The following TRPM2 variants were observed in gnomAD, a reference collection of about 807,000 sequenced individuals.
The protein encoded by TRPM2 is transient receptor potential cation channel subfamily M member 2, also known as estrogen-responsive element-associated gene 1 protein.
In TRPM2, 161 loss-of-function variants were observed where a neutral mutation model predicts 174.0. The observed-to-expected ratio is 0.93, with a 90% CI of 0.81 to 1.05. The LOEUF is 1.05. Ranked by LOEUF, TRPM2 falls within the 50% of genes least tolerant of loss-of-function variation. TRPM2 has a pLI of 0.00. For synonymous variants in TRPM2, 954 were observed against 861.3 expected, an observed-to-expected ratio of 1.11 and a Z score of -1.88; for missense variants, 2,057 against 2,038.0, an observed-to-expected ratio of 1.01 and a Z score of -0.18.
chr21:44,357,290 G>T (rs1285227661), intron 2 of TRPM2, among the ~76,000 whole-genome samples: 3 of 152,238 alleles, frequency 2.0e-5, no homozygotes, highest in Non-Finnish European at 4.4e-5. Context: ...TCACATGGAA[G>T]TGGAAACCCT....
Position 44,438,225 on chromosome 21 carries a change from G to A in TRPM2, c.4168-842G>A, listed in dbSNP as rs572616783. On this transcript the variant is annotated intron_variant, in intron 29 of 31. Transcript: ENST00000397928. This position sits in a 1 kb window ranked among gnomAD's most constrained non-coding sequence, Gnocchi z 5.9. Reference sequence around the variant, plus strand: ...TGGGGTCCCCTTGCTGCCCTGCTGCGCTCACCCAGTAGCTTCTCTGCCTGT... The same window carrying A: ...TGGGGTCCCCTTGCTGCCCTGCTGCACTCACCCAGTAGCTTCTCTGCCTGT... Among the ~76,000 whole-genome samples the A allele has an allele frequency of 3.0e-4, 45 of 152,302 alleles. No individual in the cohort carries two copies. In the South Asian group the frequency reaches 7.7e-3, roughly 26 times the overall value.
In TRPM2 at chr21:44,362,937, C is replaced by A. The variant is rs572411495; in HGVS notation, c.255-1177C>A. On this transcript the variant is annotated intron_variant, in intron 2 of 31. Transcript: ENST00000397928. ...TACAGGCTGCTGCCACCATGCCCAG[C>A]TGATTTTTTAGATTTTAGTAGAGAC... Among the ~76,000 whole-genome samples, 5 of 152,266 alleles carry A rather than the reference C, an allele frequency of 3.3e-5. No individual in the cohort carries two copies. In the East Asian group the frequency reaches 5.8e-4, roughly 18 times the overall value.
At position 44,391,164 on chromosome 21, in the gene TRPM2, C is replaced by T; in HGVS notation, c.1441-108C>T. The T allele has an allele frequency of 6.5e-7, 1 of 1,538,908 alleles. No individual in the cohort carries two copies. Among genetic ancestry groups the T allele is most frequent in the Admixed American group, 1.8e-5 (1 of 55,212 alleles). On this transcript the variant is annotated intron_variant, in intron 10 of 31. Coordinates refer to ENST00000397928, the MANE Select transcript of TRPM2 (RefSeq NM_003307.4). The surrounding 1 kb of genome is among the most constrained non-coding windows in gnomAD (Gnocchi z 5.0). Reference sequence around the variant, plus strand: ...GTGGGTGACCTGGGCAGCTTTCATCCTCCCCAGGTTGGGGACAACAGCAGC... The same window carrying T: ...GTGGGTGACCTGGGCAGCTTTCATCTTCCCCAGGTTGGGGACAACAGCAGC...
intron 9 of TRPM2, among the ~76,000 whole-genome samples, chr21:44,384,778 A>G (rs1444864318): frequency 6.6e-6 from 1 of 152,244 alleles, no homozygotes; most frequent in African/African-American, 2.4e-5. Flanking sequence ...GAATAGACCT[A>G]TAAGTAGTAA....
At position 44,397,797 on chromosome 21, in the gene TRPM2, A is replaced by G; in HGVS notation, c.1983A>G (p.Glu661=). Residue 661 remains glutamate, a synonymous_variant, in exon 13 of 32, where the codon GAA becomes GAG. Transcript: ENST00000397928. The part of the protein sequence containing the change: ...AALACSKILK[E]LSKEEEDTDS... ...TGGCCTGCAGCAAGATCCTGAAGGA[A>G]CTGTCCAAGGAGGAGGAGGACACGG... 1 of 1,602,992 alleles carries G rather than the reference A, an allele frequency of 6.2e-7. No individual in the cohort carries two copies. Among genetic ancestry groups the G allele is most frequent in the Non-Finnish European group, 8.5e-7 (1 of 1,175,012 alleles).
At chr21:44,380,300 C>T (rs980406881) in intron 8 of TRPM2, among the ~76,000 whole-genome samples, 1 of 152,172 alleles carries the variant, frequency 6.6e-6, no homozygotes, top group Non-Finnish European at 1.5e-5. Context: ...GATGTAGCTG[C>T]AAGCGTCAGA....
At chr21:44,405,539 G>C (rs909804918) in intron 17 of TRPM2, among the ~76,000 whole-genome samples, 2 of 152,074 alleles carry the variant, frequency 1.3e-5, no homozygotes, top group Non-Finnish European at 2.9e-5. Flanking sequence ...CCAGCTCCAC[G>C]GACACGCGGC....
intron 7 of TRPM2, 101 bp downstream of exon 7, chr21:44,377,874 G>C: frequency 7.6e-7 from 1 of 1,310,342 alleles, no homozygotes; most frequent in Non-Finnish European, 1.1e-6. Context: ...CTGTTGGCAA[G>C]AGGGCGATGA....
At chr21:44,362,898 C>T (rs370490922) in intron 2 of TRPM2, among the ~76,000 whole-genome samples, 3 of 152,008 alleles carry the variant, frequency 2.0e-5, no homozygotes, top group East Asian at 1.9e-4. Context: ...CTCAGCGTCC[C>T]GAGTGGCTGG....
intron 8 of TRPM2, 105 bp downstream of exon 8, chr21:44,379,302 C>CTCAGACCCAG: frequency 7.2e-7 from 1 of 1,379,838 alleles, no homozygotes; most frequent in Non-Finnish European, 1.0e-6. Context: ...GGAGAACCCA[C>CTCAGACCCAG]TGGGTCTGAG....
chr21:44,402,281 G>A (rs45562838), intron 16 of TRPM2, among the ~76,000 whole-genome samples: 2,589 of 152,268 alleles, frequency 0.017, 56 homozygotes, highest in African/African-American at 0.051. Flanking sequence ...ACCCACAGAC[G>A]CTGGGGAGTG....
At chr21:44,414,642 G>A (rs1362212217) in intron 20 of TRPM2, 1 of 152,958 alleles carries the variant, frequency 6.5e-6, no homozygotes, top group Non-Finnish European at 1.5e-5. Context: ...GGAGACAGGG[G>A]CGCAGTTCAC....
At chr21:44,403,544 G>GCA (rs45476596) in intron 16 of TRPM2, among the ~76,000 whole-genome samples, 1 of 147,954 alleles carries the variant, frequency 6.8e-6, no homozygotes, top group Middle Eastern at 3.7e-3. Context: ...ACACACATAG[G>GCA]CACACACACA....
chr21:44,417,695 C>T (rs1490687558), intron 20 of TRPM2, among the ~76,000 whole-genome samples: 6 of 134,468 alleles, frequency 4.5e-5, no homozygotes, highest in Non-Finnish European at 8.0e-5. Flanking sequence ...ACAGTGGGCA[C>T]GTGGGCGTGG....
chr21:44,420,927 G>A (rs181184440), intron 22 of TRPM2, among the ~76,000 whole-genome samples: 67 of 152,318 alleles, frequency 4.4e-4, no homozygotes, highest in African/African-American at 1.6e-3. Flanking sequence ...AGTGAGAGAG[G>A]TGGCTCAGCT....
At chr21:44,425,632 G>C in intron 24 of TRPM2, 38 bp from the exon 25 acceptor site, 1 of 1,450,956 alleles carries the variant, frequency 6.9e-7, no homozygotes, top group Non-Finnish European at 9.2e-7. Context: ...CCTGAGCCCG[G>C]GCTCCGCCTT....
chr21:44,355,564 T>C (rs751188193), intron 2 of TRPM2, among the ~76,000 whole-genome samples: 7 of 152,202 alleles, frequency 4.6e-5, no homozygotes, highest in Non-Finnish European at 1.0e-4. Flanking sequence ...GCACCGTGTG[T>C]TTCTCTTTGA....
At chr21:44,387,764 G>A (rs182516328) in intron 9 of TRPM2, among the ~76,000 whole-genome samples, 110 of 151,980 alleles carry the variant, frequency 7.2e-4, no homozygotes, top group Middle Eastern at 3.4e-3. Flanking sequence ...TAAAGAAGTC[G>A]TACAAATGGC....
chr21:44,430,000 G>T (rs918605356), intron 27 of TRPM2, among the ~76,000 whole-genome samples: 1 of 152,136 alleles, frequency 6.6e-6, no homozygotes, highest in African/African-American at 2.4e-5. Context: ...CTACTAAATG[G>T]TTTTTCTGCC....
Sources: gnomAD v4.1 joint callset for allele counts (sites outside exome capture counted in the v4.1 genomes callset) on GRCh38, gnomAD v4.1.1 for gene constraint, Gnocchi (gnomAD v3.1) non-coding constraint, MANE v1.5 for transcripts, NCBI Gene and HGNC (gene_info 2026-07-23, HGNC 2026-07-21) for gene names.